Variants in ZNF395 observed in about 807,000 individuals in gnomAD.
The protein encoded by ZNF395 is zinc finger protein 395, also known as HD gene regulatory region-binding protein 2.
ZNF395 carries 20 observed loss-of-function variants against 57.7 expected under a neutral mutation model. The observed-to-expected ratio is 0.35, with a 90% CI of 0.24 to 0.50. The LOEUF is 0.50. Ranked by LOEUF, ZNF395 falls within the 20% of genes least tolerant of loss-of-function variation. The probability of loss-of-function intolerance (pLI) is 0.97; values close to 1 mark genes in which losing one functional copy is unlikely to be tolerated. For synonymous variants in ZNF395, 295 were observed against 275.9 expected (o/e 1.07, Z -0.69); for missense variants, 606 against 671.2 (o/e 0.90, Z 1.07).
rs150522983 is a variant in ZNF395 at position 28,367,886 on chromosome 8, A to T, written c.-58-6704T>A. Among the ~76,000 whole-genome samples the T allele has an allele frequency of 2.2e-3, 341 of 152,374 alleles. 1 individual carries two copies. Among genetic ancestry groups the T allele is most frequent in the African/African-American group, 7.7e-3 (321 of 41,596 alleles). Reference sequence around the variant, plus strand: ...CTGGCCCTAAAATGAAGGCAAAAGTATCAAGAGCATTCGAACTTGCTTCCA... The same window carrying T: ...CTGGCCCTAAAATGAAGGCAAAAGTTTCAAGAGCATTCGAACTTGCTTCCA... On this transcript the variant is annotated intron_variant, in intron 1 of 9. Coordinates refer to ENST00000344423, the MANE Select transcript of ZNF395 (RefSeq NM_018660.3).
intron 1 of ZNF395, among the ~76,000 whole-genome samples, chr8:28,383,202 C>T (rs1802131079): frequency 6.6e-6 from 1 of 152,216 alleles, no homozygotes; most frequent in South Asian, 2.1e-4. Context: ...ATTACATTCT[C>T]AGCTCATTCC....
chr8:28,348,933 C>T, intron 9 of ZNF395, 103 bp from the exon 10 acceptor site: 1 of 1,331,110 alleles, frequency 7.5e-7, no homozygotes. Context: ...AGGGGCAGCT[C>T]CCGGCAAAAG....
intron 4 of ZNF395, among the ~76,000 whole-genome samples, chr8:28,354,720 T>C (rs1178901987): frequency 6.6e-6 from 1 of 152,064 alleles, no homozygotes; most frequent in Non-Finnish European, 1.5e-5. Flanking sequence ...GATTACTACA[T>C]GTACATGTGT....
chr8:28,380,723 A>G (rs962503559), intron 1 of ZNF395, among the ~76,000 whole-genome samples: 1 of 152,212 alleles, frequency 6.6e-6, no homozygotes, highest in Non-Finnish European at 1.5e-5. Context: ...TAGTAAACAA[A>G]CCACCATATA....
intron 9 of ZNF395, 107 bp from the exon 10 acceptor site, chr8:28,348,937 G>T: frequency 7.7e-7 from 1 of 1,295,756 alleles, no homozygotes; most frequent in Non-Finnish European, 1.1e-6. Context: ...GCAGCTCCCG[G>T]CAAAAGTCAC....
intron 1 of ZNF395, among the ~76,000 whole-genome samples, chr8:28,381,706 C>T (rs553131438): frequency 6.6e-6 from 1 of 152,072 alleles, no homozygotes; most frequent in East Asian, 1.9e-4. Context: ...GAGAATTGTA[C>T]GTCATATGGC....
chr8:28,384,135 CT>C (rs1802142642), intron 1 of ZNF395, among the ~76,000 whole-genome samples: 1 of 152,208 alleles, frequency 6.6e-6, no homozygotes, highest in African/African-American at 2.4e-5. Flanking sequence ...ATGTGTCCCC[CT>C]AACACAACTT....
intron 1 of ZNF395, among the ~76,000 whole-genome samples, chr8:28,374,629 G>T (rs1349462408): frequency 1.3e-5 from 2 of 152,156 alleles, no homozygotes; most frequent in South Asian, 4.1e-4. Flanking sequence ...TTGCAGCACA[G>T]ATCTTGTTTC....
At chr8:28,385,378 A>G (rs1802160156) in intron 1 of ZNF395, 1 of 150,866 alleles carries the variant, frequency 6.6e-6, no homozygotes, top group Non-Finnish European at 1.5e-5. Flanking sequence ...TTGTTTGCAC[A>G]AGACAAACTC....
chr8:28,375,694 C>T (rs1022257451), intron 1 of ZNF395, among the ~76,000 whole-genome samples: 9 of 152,290 alleles, frequency 5.9e-5, no homozygotes, highest in African/African-American at 1.9e-4. Context: ...TCCTATCAGA[C>T]GTTGGAAATC....
chr8:28,353,665 A>AT (rs145009873), intron 4 of ZNF395, among the ~76,000 whole-genome samples: 4 of 151,656 alleles, frequency 2.6e-5, no homozygotes, highest in South Asian at 2.1e-4. Flanking sequence ...TTAAACAAAA[A>AT]TTTTTTTTTA....
rs116310762 is a variant in ZNF395 at position 28,381,739 on chromosome 8, C to G, written c.-59+4654G>C. On this transcript the variant is annotated intron_variant, in intron 1 of 9. Coordinates refer to ENST00000344423, the MANE Select transcript of ZNF395 (RefSeq NM_018660.3). ...GGCACCTGATGGCTGTGACTCACAC[C>G]TCACCAAGGTATGACCTCGACATCA... Among the ~76,000 whole-genome samples, 1,039 of 152,204 alleles carry G rather than the reference C, an allele frequency of 6.8e-3. 15 individuals are homozygous for G. The highest frequency in any genetic ancestry group is 0.024 in the African/African-American group (998 of 41,500).
chr8:28,351,704 C>G lies in ZNF395; in HGVS notation c.1024G>C (p.Gly342Arg), dbSNP rs1458986962. The change falls in exon 7 of 10, where the codon GGC becomes CGC. Residue 342 changes from glycine to arginine, a missense_variant. By Grantham distance (125) the Gly-to-Arg change is moderately radical. This residue lies in a region of ZNF395 where 261 missense variants were observed against 240.3 expected (regional missense o/e 1.09). Coordinates refer to ENST00000344423, the MANE Select transcript of ZNF395 (RefSeq NM_018660.3). ...GTGGGAGTCCCAGGGACTGGGGTGC[C>G]TGCGGCAGCAGCAGCAGCAGCAGCA... ...SAAAAAAAAAGTPVPGTPTSE... is the reference protein window; with the variant it reads ...SAAAAAAAAARTPVPGTPTSE... 1 of 1,610,636 alleles carries G rather than the reference C, an allele frequency of 6.2e-7. No homozygotes were observed. The highest frequency in any genetic ancestry group is 8.5e-7 in the Non-Finnish European group (1 of 1,179,844).
chr8:28,348,480 G>C lies in ZNF395; in HGVS notation c.*239C>G. On this transcript the variant is annotated 3_prime_UTR_variant, in exon 10 of 10. Coordinates refer to ENST00000344423, the MANE Select transcript of ZNF395 (RefSeq NM_018660.3). ...CACTGGTTCACTGCTGAATAGCCTT[G>C]GTCAGTTTTGGCTCTCTCCTATTTT... 4.2e-6 allele frequency: 2 copies of C among 474,192 alleles called. No individual in the cohort carries two copies. The highest frequency in any genetic ancestry group is 4.1e-5 in the South Asian group (2 of 48,338). 29.4% of individuals were successfully genotyped at this position (474,192 alleles called of 1,614,324 possible). A position where few individuals can be genotyped will look rare whatever the true frequency, so the allele number is the denominator to read the frequency against.
In ZNF395 at chr8:28,353,233, A is replaced by G. The variant is rs1331230423; in HGVS notation, c.759T>C (p.His253=). Residue 253 remains histidine (H), a synonymous_variant, in exon 5 of 10, where the codon CAT becomes CAC. Coordinates refer to ENST00000344423, the MANE Select transcript of ZNF395 (RefSeq NM_018660.3). ...AAGGGTCAGGATCGGTCTCAAAGCC[A>G]TGATCAGTTTGGGGAGAACCAAAAG... ...GDAFGSPQTD[H]GFETDPDPFL... 1 of 1,542,324 alleles carries G rather than the reference A, an allele frequency of 6.5e-7. No homozygotes were observed. Among genetic ancestry groups the G allele is most frequent in the Admixed American group, 1.7e-5 (1 of 57,528 alleles).
chr8:28,365,389 A>G (rs980644052), intron 1 of ZNF395: 4 of 151,822 alleles, frequency 2.6e-5, no homozygotes, highest in Admixed American at 2.6e-4. Flanking sequence ...CCTCCTTCCA[A>G]CCTCTCTCCT....
chr8:28,353,462 A>G, intron 4 of ZNF395, 54 bp from the exon 5 acceptor site: 1 of 1,374,670 alleles, frequency 7.3e-7, no homozygotes, highest in Non-Finnish European at 9.7e-7. Context: ...CCCTGGGCAA[A>G]CTCTCCCTTC....
Position 28,350,838 on chromosome 8 carries a change from TC to T in ZNF395, c.1233+656del, listed in dbSNP as rs565929135. 2.2e-3 allele frequency among the ~76,000 whole-genome samples: 337 copies of T among 152,370 alleles called. 2 individuals are homozygous for T. Among genetic ancestry groups the T allele is most frequent in the African/African-American group, 7.4e-3 (309 of 41,594 alleles). ...TATCAGCACACAGCAAGCTGCATGT[TC>T]CTTGAGTACCTACTACATGCAGCGA... On this transcript the variant is annotated intron_variant, in intron 7 of 9. Coordinates refer to ENST00000344423, the MANE Select transcript of ZNF395 (RefSeq NM_018660.3).
At chr8:28,358,142 CTTT>C (rs1166965241) in intron 3 of ZNF395, among the ~76,000 whole-genome samples, 2 of 121,456 alleles carry the variant, frequency 1.6e-5, no homozygotes, top group African/African-American at 6.2e-5. Context: ...GGGTTTTTTT[CTTT>C]TTTTTCTTTT....
Sources: gnomAD v4.1 joint callset for allele counts (sites outside exome capture counted in the v4.1 genomes callset) on GRCh38, gnomAD v4.1.1 for gene constraint, gnomAD v4.1.1 regional missense constraint, MANE v1.5 for transcripts, NCBI Gene and HGNC (gene_info 2026-07-23, HGNC 2026-07-21) for gene names.